Variants in CSMD1 observed in about 807,000 individuals in gnomAD.
The protein encoded by CSMD1 is CUB and sushi domain-containing protein 1.
CSMD1 carries 213 observed loss-of-function variants against 417.5 expected under a neutral mutation model. That is an observed-to-expected ratio of 0.51 (90% CI 0.46 to 0.57). The LOEUF is 0.57. CSMD1 is among the 20% of genes least tolerant of loss of function. The pLI, the probability that CSMD1 is intolerant of heterozygous loss-of-function variation, is 0.00. For synonymous variants in CSMD1, 2,862 were observed against 1,736.8 expected, an observed-to-expected ratio of 1.65 and a Z score of -16.11; for missense variants, 6,923 against 4,529.7, an observed-to-expected ratio of 1.53 and a Z score of -15.17.
chr8:3,980,616 A>G (rs1408903394), intron 5 of CSMD1, among the ~76,000 whole-genome samples: 1 of 152,186 alleles, frequency 6.6e-6, no homozygotes, highest in Non-Finnish European at 1.5e-5. Context: ...TGCCCCAATG[A>G]TGCCTTACTT....
At chr8:3,632,287 G>C (rs1055648326) in intron 7 of CSMD1, among the ~76,000 whole-genome samples, 1 of 152,146 alleles carries the variant, frequency 6.6e-6, no homozygotes, top group Non-Finnish European at 1.5e-5. Flanking sequence ...GTTGGTTGGA[G>C]GCATTCTTCC....
At chr8:4,408,768 C>T (rs1796482552) in intron 3 of CSMD1, among the ~76,000 whole-genome samples, 1 of 152,124 alleles carries the variant, frequency 6.6e-6, no homozygotes, top group Non-Finnish European at 1.5e-5. Flanking sequence ...GTGAGGCCAT[C>T]AGCTGCCATT....
intron 3 of CSMD1, among the ~76,000 whole-genome samples, chr8:4,294,812 T>A (rs1797571063): frequency 6.6e-6 from 1 of 151,962 alleles, no homozygotes. Flanking sequence ...AGTGCTTACT[T>A]TTCAACCCAT....
intron 5 of CSMD1, among the ~76,000 whole-genome samples, chr8:3,905,956 T>G (rs1344540429): frequency 2.6e-5 from 4 of 152,208 alleles, no homozygotes; most frequent in Non-Finnish European, 5.9e-5. Flanking sequence ...CAACCATACC[T>G]TTTGATTTTA....
At chr8:2,966,073 T>C in intron 58 of CSMD1, 119 bp from the exon 59 acceptor site, 6 of 839,282 alleles carry the variant, frequency 7.1e-6, no homozygotes, top group Non-Finnish European at 1.1e-5. Flanking sequence ...AAGCAGTGAA[T>C]TAATACAGCA....
At chr8:3,938,508 G>C (rs1352662563) in intron 5 of CSMD1, among the ~76,000 whole-genome samples, 1 of 152,102 alleles carries the variant, frequency 6.6e-6, no homozygotes, top group African/African-American at 2.4e-5. Context: ...GGTTTCCTCG[G>C]CAACAATGGA....
At chr8:4,212,816 T>A (rs1347638112) in intron 3 of CSMD1, among the ~76,000 whole-genome samples, 1 of 149,384 alleles carries the variant, frequency 6.7e-6, no homozygotes, top group Admixed American at 6.7e-5. Context: ...ACCAGCCAGT[T>A]CATGGACTGG....
chr8:4,884,918 T>C (rs1220488110), intron 1 of CSMD1, among the ~76,000 whole-genome samples: 1 of 152,104 alleles, frequency 6.6e-6, no homozygotes, highest in Non-Finnish European at 1.5e-5. Flanking sequence ...AGGTATTGCA[T>C]TGAAGCTTCA....
At position 4,735,692 on chromosome 8, in the gene CSMD1, T is replaced by G. The variant is rs944002612; in HGVS notation, c.86-98134A>C. 3.2e-4 allele frequency among the ~76,000 whole-genome samples: 49 copies of G among 152,160 alleles called. 1 individual carries two copies. Among genetic ancestry groups the G allele is most frequent in the Admixed American group, 2.0e-3 (31 of 15,276 alleles). On this transcript the variant is annotated intron_variant, in intron 1 of 69. Coordinates refer to ENST00000635120, the MANE Select transcript of CSMD1 (RefSeq NM_033225.6). The stretch of plus-strand genomic sequence containing the variant: ...ATGTGCCAGACACTTATTTGAACAC[T>G]TGACATCTTCTTGCTTTTATCTCCC...
At chr8:3,139,673 T>C (rs112414317) in intron 41 of CSMD1, among the ~76,000 whole-genome samples, 2,020 of 152,186 alleles carry the variant, frequency 0.013, 56 homozygotes, top group African/African-American at 0.047. Context: ...AGGTCCAAGG[T>C]ACATTAAAAT....
intron 10 of CSMD1, among the ~76,000 whole-genome samples, chr8:3,524,486 C>T (rs1447653296): frequency 6.6e-6 from 1 of 151,834 alleles, no homozygotes; most frequent in African/African-American, 2.4e-5. Context: ...GACATGTGCA[C>T]ACACAAGTAC....
chr8:4,560,283 G>C (rs1294167325), intron 2 of CSMD1, among the ~76,000 whole-genome samples: 1 of 152,336 alleles, frequency 6.6e-6, no homozygotes, highest in South Asian at 2.1e-4. Context: ...GTGACGATGT[G>C]CAGTTCTCTA....
At chr8:3,414,174 A>G (rs934385571) in intron 12 of CSMD1, among the ~76,000 whole-genome samples, 1 of 119,554 alleles carries the variant, frequency 8.4e-6, no homozygotes, top group Non-Finnish European at 1.8e-5. Flanking sequence ...AGCAAACACT[A>G]TGATTTGGTA....
At chr8:3,758,319 A>C (rs762985128) in intron 5 of CSMD1, among the ~76,000 whole-genome samples, 10 of 152,152 alleles carry the variant, frequency 6.6e-5, no homozygotes, top group Non-Finnish European at 1.2e-4. Flanking sequence ...CCAATTATAC[A>C]ATCCATTTTC....
intron 50 of CSMD1, among the ~76,000 whole-genome samples, chr8:3,032,003 T>C (rs941115973): frequency 2.7e-5 from 4 of 150,666 alleles, no homozygotes; most frequent in Admixed American, 2.0e-4. Flanking sequence ...CATAATATAA[T>C]TATATGTGTG....
At chr8:3,797,058 A>G (rs1251515496) in intron 5 of CSMD1, among the ~76,000 whole-genome samples, 2 of 151,946 alleles carry the variant, frequency 1.3e-5, no homozygotes, top group Admixed American at 1.3e-4. Flanking sequence ...TGGTAGGGCA[A>G]TGTATCACTT....
At chr8:3,236,396 A>G (rs1328526373) in intron 26 of CSMD1, among the ~76,000 whole-genome samples, 1 of 152,204 alleles carries the variant, frequency 6.6e-6, no homozygotes, top group Non-Finnish European at 1.5e-5. Context: ...AAGTTCCTAG[A>G]GTTAGCCAGA....
At chr8:4,141,279 G>A (rs926183162) in intron 3 of CSMD1, among the ~76,000 whole-genome samples, 3 of 151,034 alleles carry the variant, frequency 2.0e-5, no homozygotes, top group South Asian at 2.1e-4. Flanking sequence ...CGACCTTCAG[G>A]TAGTGAAAAA....
intron 26 of CSMD1, among the ~76,000 whole-genome samples, chr8:3,240,128 G>T (rs1563174288): frequency 6.6e-6 from 1 of 152,282 alleles, no homozygotes; most frequent in East Asian, 1.9e-4. Context: ...AAACAGTAAG[G>T]TCAAGTAATT....
Sources: allele counts gnomAD v4.1 joint callset (sites outside exome capture counted in the v4.1 genomes callset), GRCh38; gene constraint gnomAD v4.1.1; transcripts MANE v1.5; gene names NCBI Gene and HGNC (gene_info 2026-07-23, HGNC 2026-07-21).